SPMAP2L: variants seen among roughly 807,000 people sequenced by gnomAD.
SPMAP2L encodes the protein sperm microtubule associated protein 2 like, also known as sperm microtubule associated protein 2-like.
At chr4:56,533,430 C>T in the SPMAP2L span, among the ~76,000 whole-genome samples, 3 of 152,162 alleles carry the variant, frequency 2.0e-5, no homozygotes, top group East Asian at 3.8e-4. Context: ...TATCTTTCCA[C>T]CATGAAATCT....
chr4:56,610,435 CAAA>C, the SPMAP2L span, among the ~76,000 whole-genome samples: 2 of 152,154 alleles, frequency 1.3e-5, no homozygotes, highest in African/African-American at 4.8e-5. Flanking sequence ...TCACCTTATA[CAAA>C]AATCAACTCA....
the SPMAP2L span, chr4:56,596,464 G>C: frequency 3.4e-6 from 5 of 1,472,896 alleles, no homozygotes; most frequent in East Asian, 1.3e-4. Flanking sequence ...TTTATTACTT[G>C]ATGCTTATAA....
chr4:56,603,165 C>G, the SPMAP2L span: 1 of 1,365,226 alleles, frequency 7.3e-7, no homozygotes. Context: ...GCTACCTTCT[C>G]TGTTCATCTT....
At chr4:56,537,136 C>A in the SPMAP2L span, among the ~76,000 whole-genome samples, 1 of 152,172 alleles carries the variant, frequency 6.6e-6, no homozygotes, top group Non-Finnish European at 1.5e-5. Flanking sequence ...CTTCTCGTGG[C>A]CTCTGTGACA....
the SPMAP2L span, among the ~76,000 whole-genome samples, chr4:56,572,744 G>T: frequency 6.6e-6 from 1 of 150,868 alleles, no homozygotes; most frequent in South Asian, 2.1e-4. Context: ...GGCTGGGAGT[G>T]GTGACTCACA....
the SPMAP2L span, among the ~76,000 whole-genome samples, chr4:56,567,820 T>G: frequency 6.6e-6 from 1 of 152,184 alleles, no homozygotes; most frequent in South Asian, 2.1e-4. Flanking sequence ...ATCATATATC[T>G]TAATGTTTTT....
the SPMAP2L span, among the ~76,000 whole-genome samples, chr4:56,531,719 A>G: frequency 8.5e-5 from 13 of 152,318 alleles, no homozygotes; most frequent in African/African-American, 2.4e-4. Flanking sequence ...CACCTTCACA[A>G]GGTAACAGAG....
the SPMAP2L span, among the ~76,000 whole-genome samples, chr4:56,618,256 G>A: frequency 3.9e-3 from 598 of 152,258 alleles, 1 homozygote; most frequent in South Asian, 0.012. Flanking sequence ...GGATAAAAGA[G>A]TTTACCAAGA....
chr4:56,623,808 G>A, the SPMAP2L span, among the ~76,000 whole-genome samples: 1 of 152,148 alleles, frequency 6.6e-6, no homozygotes, highest in African/African-American at 2.4e-5. Flanking sequence ...GGAACTGTAA[G>A]TCCAATTAAA....
the SPMAP2L span, among the ~76,000 whole-genome samples, chr4:56,610,750 A>C: frequency 6.6e-6 from 1 of 152,160 alleles, no homozygotes; most frequent in African/African-American, 2.4e-5. Flanking sequence ...TCAAATCAGT[A>C]AGAAAAAAAA....
chr4:56,559,636 T>G, the SPMAP2L span: 5 of 1,079,648 alleles, frequency 4.6e-6, no homozygotes, highest in Admixed American at 8.4e-5. Flanking sequence ...GGCATGATCT[T>G]GGCTCACTGC....
chr4:56,572,390 T>C, the SPMAP2L span, among the ~76,000 whole-genome samples: 2 of 152,292 alleles, frequency 1.3e-5, no homozygotes, highest in African/African-American at 4.8e-5. Flanking sequence ...GACCGAAAGG[T>C]CATTACACGG....
chr4:56,593,481 T>C, the SPMAP2L span: 1 of 1,596,494 alleles, frequency 6.3e-7, no homozygotes, highest in Admixed American at 1.7e-5. Context: ...TGGAAGACTT[T>C]ACGGAACTCG....
chr4:56,615,680 A>G, the SPMAP2L span, among the ~76,000 whole-genome samples: 1 of 152,180 alleles, frequency 6.6e-6, no homozygotes, highest in Non-Finnish European at 1.5e-5. Flanking sequence ...CCCAGAAGGC[A>G]GAGGTTGCAG....
At chr4:56,580,790 G>T in the SPMAP2L span, among the ~76,000 whole-genome samples, 129 of 152,220 alleles carry the variant, frequency 8.5e-4, 2 homozygotes, top group Middle Eastern at 3.4e-3. Flanking sequence ...TCAAGAAGGT[G>T]CAGAATCCAA....
At chr4:56,600,949 A>G in the SPMAP2L span, 3 of 1,534,056 alleles carry the variant, frequency 2.0e-6, no homozygotes, top group Non-Finnish European at 1.7e-6. Flanking sequence ...TCCTGCTGCC[A>G]TGATAGCTAA....
At chr4:56,590,985 C>T in the SPMAP2L span, among the ~76,000 whole-genome samples, 1 of 152,126 alleles carries the variant, frequency 6.6e-6, no homozygotes, top group Non-Finnish European at 1.5e-5. Flanking sequence ...CTCACAATAC[C>T]TTGGTTTCTG....
chr4:56,571,296 T>C, the SPMAP2L span, among the ~76,000 whole-genome samples: 1 of 151,498 alleles, frequency 6.6e-6, no homozygotes, highest in African/African-American at 2.4e-5. Flanking sequence ...GCTTTTTTTT[T>C]CTATTTTAAA....
the SPMAP2L span, among the ~76,000 whole-genome samples, chr4:56,625,987 C>T: frequency 0.2 from 31,161 of 152,140 alleles, 3,654 homozygotes; most frequent in East Asian, 0.41. Context: ...CCACACTGGT[C>T]CCTGCTGCTA....
Sources: allele counts gnomAD v4.1 joint callset (sites outside exome capture counted in the v4.1 genomes callset), GRCh38; gene constraint gnomAD v4.1.1; transcripts MANE v1.5; gene names NCBI Gene and HGNC (gene_info 2026-07-23, HGNC 2026-07-21).